ARL6IP6: variants seen among roughly 807,000 people sequenced by gnomAD.
ARL6IP6 encodes ARF like GTPase 6 interacting protein 6, also known as ADP-ribosylation factor-like protein 6-interacting protein 6.
In ARL6IP6, 22 loss-of-function variants were observed where a neutral mutation model predicts 21.5. That is an observed-to-expected ratio of 1.02 (90% confidence interval 0.73 to 1.46). The LOEUF (loss-of-function observed/expected upper bound fraction) is 1.46. ARL6IP6 is among the 40% of genes most tolerant of loss of function. The pLI is 0.00. For missense variants in ARL6IP6, 388 were observed against 299.8 expected, an observed-to-expected ratio of 1.29 and a Z score of -2.17; for synonymous variants, 164 against 125.3, an observed-to-expected ratio of 1.31 and a Z score of -2.06.
upstream of ARL6IP6, chr2:152,718,539 C>T: frequency 6.8e-7 from 1 of 1,480,584 alleles, no homozygotes; most frequent in Non-Finnish European, 9.0e-7. Context: ...GTGGTAGCGG[C>T]CACTGCCGCG....
chr2:152,727,988 C>T (rs1237240868), intron 2 of ARL6IP6, among the ~76,000 whole-genome samples: 2 of 152,118 alleles, frequency 1.3e-5, no homozygotes, highest in Non-Finnish European at 2.9e-5. Context: ...AGGCTTTCAC[C>T]GATCTACCTG....
chr2:152,736,718 A>G lies in ARL6IP6; in HGVS notation c.587+1592A>G, dbSNP rs143509620. On this transcript the variant is annotated intron_variant, in intron 3 of 3. Transcript: ENST00000326446. ...CTTGAATTCAGCCAACCATGGATAA[A>G]AAATATTTGGGAAAAAAATTACAAT... Among the ~76,000 whole-genome samples the G allele has an allele frequency of 5.3e-5, 8 of 152,342 alleles. No homozygotes were observed. In the East Asian group the frequency reaches 1.5e-3, roughly 29 times the overall value.
chr2:152,748,026 G>A (rs1352751148), intron 3 of ARL6IP6, among the ~76,000 whole-genome samples: 1 of 152,142 alleles, frequency 6.6e-6, no homozygotes, highest in Non-Finnish European at 1.5e-5. Context: ...TCTCCTGTAT[G>A]TAATTTAATA....
At chr2:152,756,638 T>A (rs1248696668) in intron 3 of ARL6IP6, among the ~76,000 whole-genome samples, 1 of 152,092 alleles carries the variant, frequency 6.6e-6, no homozygotes, top group African/African-American at 2.4e-5. Flanking sequence ...GAGAAAAAGT[T>A]TTGAACACAA....
At chr2:152,743,038 A>C (rs1022998077) in intron 3 of ARL6IP6, among the ~76,000 whole-genome samples, 2 of 152,202 alleles carry the variant, frequency 1.3e-5, no homozygotes, top group Admixed American at 6.5e-5. Flanking sequence ...TTTATTGACA[A>C]TTAACAGGCA....
upstream of ARL6IP6, chr2:152,718,600 C>T (rs1699384639): frequency 2.7e-6 from 4 of 1,501,732 alleles, no homozygotes; most frequent in Non-Finnish European, 3.6e-6. Flanking sequence ...GCTCGTTCTC[C>T]GCGGGTTTCG....
intron 2 of ARL6IP6, among the ~76,000 whole-genome samples, 169 bp from the exon 3 acceptor site, chr2:152,734,825 A>G (rs1700479952): frequency 6.6e-6 from 1 of 152,234 alleles, no homozygotes; most frequent in Non-Finnish European, 1.5e-5. Context: ...AGTAATGTAC[A>G]CTTATTTCTA....
chr2:152,721,139 AC>A (rs1040249550), intron 2 of ARL6IP6, among the ~76,000 whole-genome samples: 1 of 152,192 alleles, frequency 6.6e-6, no homozygotes, highest in Non-Finnish European at 1.5e-5. Context: ...TGTATGTACC[AC>A]ACACACTAGT....
At chr2:152,721,483 C>G (rs574489781) in intron 2 of ARL6IP6, among the ~76,000 whole-genome samples, 17 of 152,212 alleles carry the variant, frequency 1.1e-4, no homozygotes, top group South Asian at 6.2e-4. Flanking sequence ...CTATATTTCT[C>G]TCCACCAAAA....
intron 1 of ARL6IP6, chr2:152,719,863 A>T (rs1304643430): frequency 2.1e-6 from 1 of 465,976 alleles, no homozygotes; most frequent in African/African-American, 2.0e-5. Context: ...AAATCTATTT[A>T]ACTCCAGTTT....
At chr2:152,719,822 G>T in intron 1 of ARL6IP6, 1 of 413,904 alleles carries the variant, frequency 2.4e-6, no homozygotes, top group South Asian at 1.8e-5. Flanking sequence ...TGTCACTGAA[G>T]TGTTATTTTT....
At chr2:152,754,504 T>C (rs1701487103) in intron 3 of ARL6IP6, among the ~76,000 whole-genome samples, 1 of 152,214 alleles carries the variant, frequency 6.6e-6, no homozygotes, top group Non-Finnish European at 1.5e-5. Context: ...TTTTTTACTA[T>C]TAGGAATAAT....
chr2:152,719,044 G>C lies in ARL6IP6; in HGVS notation c.400+20G>C, dbSNP rs768170396. The C allele has an allele frequency of 6.6e-7, 1 of 1,516,606 alleles. No individual in the cohort carries two copies. The highest frequency in any genetic ancestry group is 8.8e-7 in the Non-Finnish European group (1 of 1,132,852). The allele number at this position is 1,516,606 out of a possible 1,614,324, so 93.9% of individuals were successfully genotyped here. On this transcript the variant is annotated intron_variant, in intron 1 of 3. Transcript: ENST00000326446. ...TTAAAGGTATTGAAGCCGACGCCTT[G>C]AAAGTCTGTCCAGAGTAAAGTTGAG...
intron 3 of ARL6IP6, among the ~76,000 whole-genome samples, chr2:152,743,958 T>TGAGA (rs891425237): frequency 6.6e-6 from 1 of 152,180 alleles, no homozygotes; most frequent in African/African-American, 2.4e-5. Flanking sequence ...TTGGAGCATG[T>TGAGA]CTCAGTTCTT....
rs2105206493 is a variant in ARL6IP6 at position 152,762,158 on chromosome 2, T to G, written c.*2318T>G. On this transcript the variant is annotated 3_prime_UTR_variant, in exon 4 of 4. Transcript: ENST00000326446. ...ACAATGAGTAGAATAGAGAAATGAC[T>G]TCAGTGAAGTATGTCTCTTCCCAGG... 6.6e-6 allele frequency among the ~76,000 whole-genome samples: 1 copy of G among 152,282 alleles called. No homozygotes were observed. The highest frequency in any genetic ancestry group is 2.1e-4 in the South Asian group (1 of 4,826).
At position 152,722,570 on chromosome 2, in the gene ARL6IP6, T is replaced by G. The variant is rs188947990; in HGVS notation, c.454+1984T>G. Among the ~76,000 whole-genome samples the G allele has an allele frequency of 1.5e-3, 226 of 152,268 alleles. 2 individuals carry two copies. Among genetic ancestry groups the G allele is most frequent in the African/African-American group, 5.2e-3 (216 of 41,542 alleles). On this transcript the variant is annotated intron_variant, in intron 2 of 3. Transcript: ENST00000326446. ...AGAAGAGGATTCTTAAAAATCTGTT[T>G]CAGTGAAACAGGGCCAAGATGATTA...
chr2:152,734,595 A>G (rs1261127295), intron 2 of ARL6IP6, among the ~76,000 whole-genome samples: 5 of 152,240 alleles, frequency 3.3e-5, no homozygotes, highest in African/African-American at 4.8e-5. Flanking sequence ...GCCCCAAACC[A>G]TCCTCCCACC....
chr2:152,733,553 A>G (rs2105124721), intron 2 of ARL6IP6, among the ~76,000 whole-genome samples: 1 of 152,192 alleles, frequency 6.6e-6, no homozygotes, highest in Non-Finnish European at 1.5e-5. Context: ...ATGAGCCACC[A>G]CGCCCGGCCC....
intron 2 of ARL6IP6, 26 bp from the exon 3 acceptor site, chr2:152,734,968 T>C (rs1700485866): frequency 6.2e-7 from 1 of 1,602,208 alleles, no homozygotes; most frequent in Non-Finnish European, 8.5e-7. Flanking sequence ...AATAATGTAC[T>C]TTTTCCCCTC....
Sources: gnomAD v4.1 joint callset for allele counts (sites outside exome capture counted in the v4.1 genomes callset) on GRCh38, gnomAD v4.1.1 for gene constraint, MANE v1.5 for transcripts, NCBI Gene and HGNC (gene_info 2026-07-23, HGNC 2026-07-21) for gene names.